PLA2G6: variants seen among roughly 807,000 people sequenced by gnomAD.
PLA2G6 encodes phospholipase A2 group VI.
PLA2G6 carries 62 observed loss-of-function variants against 83.8 expected under a neutral mutation model. The observed-to-expected ratio is 0.74, with a 90% CI of 0.60 to 0.91. PLA2G6 has a LOEUF of 0.91. Ranked by LOEUF, PLA2G6 falls within the 40% of genes least tolerant of loss-of-function variation. The pLI is 0.00. For synonymous variants in PLA2G6, 417 were observed against 449.8 expected, an observed-to-expected ratio of 0.93 and a Z score of 0.92; for missense variants, 944 against 1,102.0, an observed-to-expected ratio of 0.86 and a Z score of 2.03.
intron 2 of PLA2G6, chr22:38,149,396 T>C (rs1429369985): frequency 6.6e-6 from 1 of 151,756 alleles, no homozygotes; most frequent in Non-Finnish European, 1.5e-5. Context: ...TGGTGAAGAG[T>C]TTTGAATGAT....
intron 2 of PLA2G6, among the ~76,000 whole-genome samples, chr22:38,162,727 G>C (rs1420191112): frequency 6.6e-6 from 1 of 152,162 alleles, no homozygotes; most frequent in African/African-American, 2.4e-5. Flanking sequence ...GTGACAGCAA[G>C]TGGTATTGTA....
chr22:38,117,934 G>C (rs959819356), intron 12 of PLA2G6, among the ~76,000 whole-genome samples: 3 of 151,782 alleles, frequency 2.0e-5, no homozygotes, highest in Non-Finnish European at 4.4e-5. Flanking sequence ...TACTCCGGAG[G>C]CTGAGGCAGG....
intron 2 of PLA2G6, chr22:38,163,539 G>A (rs1424035982): frequency 1.8e-5 from 3 of 169,686 alleles, no homozygotes; most frequent in Non-Finnish European, 2.9e-5. Context: ...ACAGACCCAC[G>A]GCAACCTAAG....
chr22:38,142,332 C>T (rs1218049129), intron 4 of PLA2G6: 1 of 151,984 alleles, frequency 6.6e-6, no homozygotes, highest in African/African-American at 2.4e-5. Context: ...ATCCAACATC[C>T]TGCCTTTTCT....
At chr22:38,133,308 G>T in intron 6 of PLA2G6, 1 of 515,724 alleles carries the variant, frequency 1.9e-6, no homozygotes, top group Non-Finnish European at 3.5e-6. Context: ...AGGCTCCTCT[G>T]GGGCCTGTCC....
rs1173618216 is a variant in PLA2G6 at position 38,111,575 on chromosome 22, C to T, written c.*586G>A. ...GGAAGAAGAAACTCCCAGGAGTGAC[C>T]TTTGAGAGCTGAGGGTTCTCGGGGT... On this transcript the variant is annotated 3_prime_UTR_variant, in exon 17 of 17. Transcript: ENST00000332509. 1 of 170,496 alleles carries T rather than the reference C, an allele frequency of 5.9e-6. No homozygotes were observed. The highest frequency in any genetic ancestry group is 1.3e-5 in the Non-Finnish European group (1 of 78,022). The allele number at this position is 170,496 out of a possible 1,614,324, so 10.6% of individuals were successfully genotyped here. A position where few individuals can be genotyped will look rare whatever the true frequency, so the allele number is the denominator to read the frequency against.
chr22:38,125,060 G>A (rs945098759), intron 10 of PLA2G6, among the ~76,000 whole-genome samples: 2 of 152,202 alleles, frequency 1.3e-5, no homozygotes, highest in East Asian at 3.9e-4. Context: ...TGGGAAATGT[G>A]GGTCCCCCCT....
chr22:38,158,170 CTTTTTTT>C (rs558539609), intron 2 of PLA2G6, among the ~76,000 whole-genome samples: 20 of 136,484 alleles, frequency 1.5e-4, no homozygotes, highest in African/African-American at 5.3e-4. Context: ...TTTTTCTTTT[CTTTTTTT>C]TTTTTTTTTG....
intron 4 of PLA2G6, 72 bp downstream of exon 4, chr22:38,143,033 C>A: frequency 7.0e-7 from 1 of 1,426,896 alleles, no homozygotes. Context: ...ACACCTGAGC[C>A]TAGGGGCCCA....
At chr22:38,152,994 G>T (rs948558215) in intron 2 of PLA2G6, among the ~76,000 whole-genome samples, 1 of 152,188 alleles carries the variant, frequency 6.6e-6, no homozygotes, top group East Asian at 1.9e-4. Context: ...GCACATAGGT[G>T]TTGCCCAGGG....
chr22:38,117,536 A>G (rs1382665319), intron 12 of PLA2G6, among the ~76,000 whole-genome samples: 1 of 152,196 alleles, frequency 6.6e-6, no homozygotes, highest in Admixed American at 6.6e-5. Flanking sequence ...ACCCATCAGA[A>G]TTCTCTCTAG....
intron 12 of PLA2G6, among the ~76,000 whole-genome samples, chr22:38,117,144 A>C (rs1456549704): frequency 6.6e-6 from 1 of 152,172 alleles, no homozygotes; most frequent in African/African-American, 2.4e-5. Flanking sequence ...AAATAAAAAG[A>C]GGAAATATTT....
At chr22:38,179,715 G>A (rs1311313918) in intron 1 of PLA2G6, among the ~76,000 whole-genome samples, 2 of 152,218 alleles carry the variant, frequency 1.3e-5, no homozygotes, top group African/African-American at 2.4e-5. Flanking sequence ...GGAGGTTGCA[G>A]TGAGCCGAGA....
intron 2 of PLA2G6, among the ~76,000 whole-genome samples, chr22:38,162,208 CAAAAAAA>C (rs1162906670): frequency 6.7e-5 from 5 of 74,532 alleles, no homozygotes; most frequent in African/African-American, 3.0e-4. Flanking sequence ...GACTCTGTGT[CAAAAAAA>C]AAAAAAAGAA....
At chr22:38,148,859 CTT>C (rs200966258) in intron 2 of PLA2G6, 5,536 of 149,914 alleles carry the variant, frequency 0.037, 25 homozygotes, top group East Asian at 0.075. Flanking sequence ...TAGATTATTT[CTT>C]TTTTTTTTTT....
chr22:38,179,960 C>T (rs779220773), intron 1 of PLA2G6, among the ~76,000 whole-genome samples: 11 of 151,992 alleles, frequency 7.2e-5, no homozygotes, highest in East Asian at 1.9e-4. Flanking sequence ...GATCACCATC[C>T]GAAAACGAGA....
rs2088803078 is a variant in PLA2G6, at chr22:38,140,014, G to A, written c.765C>T (p.Pro255=). The part of the protein sequence containing the change: ...RCNIMGPNGY[P]IHSAMKFSQK... ...GAGAGAACTTCATGGCCGAGTGGAT[G>A]GGGTAGCCGTTGGGGCCCATGATGT... The change falls in exon 5 of 17, where the codon CCC becomes CCT. Residue 255 remains proline (P), a synonymous_variant. Coordinates refer to ENST00000332509, the MANE Select transcript of PLA2G6 (RefSeq NM_003560.4). 1 of 1,609,230 alleles carries A rather than the reference G, an allele frequency of 6.2e-7. No homozygotes were observed. The highest frequency in any genetic ancestry group is 8.5e-7 in the Non-Finnish European group (1 of 1,177,526).
At chr22:38,167,619 C>T (rs1323910994) in intron 2 of PLA2G6, among the ~76,000 whole-genome samples, 1 of 152,208 alleles carries the variant, frequency 6.6e-6, no homozygotes, top group Non-Finnish European at 1.5e-5. Flanking sequence ...TCAGCCCCAT[C>T]TGCACTCAGA....
At position 38,132,796 on chromosome 22, in the gene PLA2G6, G is replaced by A. The variant is rs762232928; in HGVS notation, c.1077+35C>T. On this transcript the variant is annotated intron_variant, in intron 7 of 16. Transcript: ENST00000332509. This position sits in a 1 kb window ranked among gnomAD's most constrained non-coding sequence, Gnocchi z 5.0. ...ACAGCCCTCCTGCATTCCCACCGGG[G>A]CCCCACAGGGCAGGACACGCGGTCC... 13 of 1,526,952 alleles carry A rather than the reference G, an allele frequency of 8.5e-6. No homozygotes were observed. The East Asian group carries it at 2.7e-4, about 32-fold the overall frequency. 94.6% of individuals were successfully genotyped at this position (1,526,952 alleles called of 1,614,324 possible).
Sources: gnomAD v4.1 joint callset for allele counts (sites outside exome capture counted in the v4.1 genomes callset) on GRCh38, gnomAD v4.1.1 for gene constraint, Gnocchi (gnomAD v3.1) non-coding constraint, MANE v1.5 for transcripts, NCBI Gene and HGNC (gene_info 2026-07-23, HGNC 2026-07-21) for gene names.